MAP2K4: variants seen among roughly 807,000 people sequenced by gnomAD.
The protein encoded by MAP2K4 is dual specificity mitogen-activated protein kinase kinase 4.
A neutral mutation model predicts 48.5 loss-of-function variants in MAP2K4; 4 were observed. The ratio of observed to expected loss-of-function variants is 0.08; its 90% confidence interval spans 0.04 to 0.19. MAP2K4 has a LOEUF of 0.19. Ranked by LOEUF, MAP2K4 falls within the 10% of genes least tolerant of loss-of-function variation. The probability of loss-of-function intolerance (pLI) is 1.00; values close to 1 mark genes in which losing one functional copy is unlikely to be tolerated. For synonymous variants in MAP2K4, 166 were observed against 173.1 expected (o/e 0.96, Z 0.32); for missense variants, 258 against 493.3 (o/e 0.52, Z 4.52).
In MAP2K4 at chr17:12,069,720, T is replaced by C. The variant is rs903307006; in HGVS notation, c.219-11636T>C. ...GGAAGCAGGCAGTTTCCATGGTAAC[T>C]GACAGACCGAGTTTACTGTGGAAAT... On this transcript the variant is annotated intron_variant, in intron 2 of 10. Coordinates refer to ENST00000353533, the MANE Select transcript of MAP2K4 (RefSeq NM_003010.4). 3.8e-6 allele frequency: 4 copies of C among 1,062,788 alleles called. No individual in the cohort carries two copies. In the African/African-American group the frequency reaches 5.1e-5, roughly 14 times the overall value. The allele number at this position is 1,062,788 out of a possible 1,614,324, so 65.8% of individuals were successfully genotyped here.
chr17:12,043,914 T>C (rs1406625243), intron 1 of MAP2K4, among the ~76,000 whole-genome samples: 1 of 152,112 alleles, frequency 6.6e-6, no homozygotes, highest in Non-Finnish European at 1.5e-5. Flanking sequence ...TGGAGGTGTG[T>C]GTATGGGGGC....
chr17:12,120,645 A>G (rs1972659746), intron 7 of MAP2K4, among the ~76,000 whole-genome samples: 1 of 151,702 alleles, frequency 6.6e-6, no homozygotes, highest in African/African-American at 2.4e-5. Flanking sequence ...GTCAGTTTAT[A>G]AAACTGAAGA....
At chr17:12,028,672 T>A (rs1969336297) in intron 1 of MAP2K4, among the ~76,000 whole-genome samples, 1 of 152,160 alleles carries the variant, frequency 6.6e-6, no homozygotes, top group Non-Finnish European at 1.5e-5. Flanking sequence ...GCAGCTCTGA[T>A]TTTCTTTACA....
intron 9 of MAP2K4, among the ~76,000 whole-genome samples, chr17:12,132,567 T>C (rs2151593064): frequency 1.3e-5 from 2 of 151,556 alleles, no homozygotes; most frequent in Middle Eastern, 3.4e-3. Flanking sequence ...CACTTAGGAG[T>C]TGTGTTTTCT....
At chr17:12,029,114 C>A (rs903307460) in intron 1 of MAP2K4, among the ~76,000 whole-genome samples, 9 of 151,706 alleles carry the variant, frequency 5.9e-5, no homozygotes, top group African/African-American at 2.2e-4. Flanking sequence ...TTGGTAAGAA[C>A]AGTAAATTGT....
intron 1 of MAP2K4, among the ~76,000 whole-genome samples, chr17:12,041,026 C>T (rs1353285690): frequency 6.6e-6 from 1 of 152,226 alleles, no homozygotes; most frequent in Admixed American, 6.5e-5. Context: ...AGTCGAGATT[C>T]TCTCATGTAC....
At position 12,066,928 on chromosome 17, in the gene MAP2K4, C is replaced by T. The variant is rs567500736; in HGVS notation, c.218+11937C>T. 8.5e-5 allele frequency among the ~76,000 whole-genome samples: 13 copies of T among 152,322 alleles called. No homozygotes were observed. The South Asian group carries it at 2.5e-3, about 29-fold the overall frequency. On this transcript the variant is annotated intron_variant, in intron 2 of 10. Transcript: ENST00000353533. Reference sequence around the variant, plus strand: ...TCCTGACCTCGTGATCCGCCCGCCTCGGCCTCCCAAAGTGCTGGGATTACA... The same window carrying T: ...TCCTGACCTCGTGATCCGCCCGCCTTGGCCTCCCAAAGTGCTGGGATTACA...
chr17:12,104,515 T>C (rs1206745490), intron 4 of MAP2K4, among the ~76,000 whole-genome samples: 1 of 152,186 alleles, frequency 6.6e-6, no homozygotes, highest in Non-Finnish European at 1.5e-5. Flanking sequence ...AAATTGCATT[T>C]CCTTGATTGG....
chr17:12,088,542 T>G (rs1343344639), intron 3 of MAP2K4, among the ~76,000 whole-genome samples: 1 of 25,796 alleles, frequency 3.9e-5, no homozygotes, highest in African/African-American at 6.2e-5. Flanking sequence ...ATATATTAAA[T>G]TATATCTAAT....
intron 2 of MAP2K4, among the ~76,000 whole-genome samples, chr17:12,058,141 C>T (rs1454031919): frequency 6.6e-6 from 1 of 151,934 alleles, no homozygotes; most frequent in Non-Finnish European, 1.5e-5. Context: ...TGGTTCTCTC[C>T]AGATGTGTTT....
chr17:12,071,842 A>G lies in MAP2K4; in HGVS notation c.219-9514A>G, dbSNP rs79003812. Among the ~76,000 whole-genome samples the G allele has an allele frequency of 7.8e-3, 1,190 of 152,218 alleles. 4 individuals carry two copies. Among genetic ancestry groups the G allele is most frequent in the Non-Finnish European group, 0.013 (871 of 68,000 alleles). On this transcript the variant is annotated intron_variant, in intron 2 of 10. Transcript: ENST00000353533. The stretch of plus-strand genomic sequence containing the variant: ...TTTTTGTCATTGTGGGAGTATACAA[A>G]CTATTGGCCTGGGCAGGAGAGAAGG...
chr17:12,133,830 A>G (rs1397578296), intron 9 of MAP2K4, among the ~76,000 whole-genome samples: 1 of 152,166 alleles, frequency 6.6e-6, no homozygotes, highest in Non-Finnish European at 1.5e-5. Context: ...CTGGAAGAAG[A>G]GGCAACTTGT....
intron 2 of MAP2K4, among the ~76,000 whole-genome samples, chr17:12,069,361 G>T (rs1305045002): frequency 2.0e-5 from 3 of 152,082 alleles, no homozygotes; most frequent in East Asian, 1.9e-4. Context: ...ACTGTTCTAA[G>T]GGTAAACTTA....
intron 7 of MAP2K4, among the ~76,000 whole-genome samples, chr17:12,116,126 GT>G (rs1319199666): frequency 2.0e-5 from 3 of 152,144 alleles, no homozygotes; most frequent in African/African-American, 7.2e-5. Flanking sequence ...CTTTTCAAAG[GT>G]GCTAAAATCT....
chr17:12,064,939 A>G (rs973229546), intron 2 of MAP2K4, among the ~76,000 whole-genome samples: 3 of 152,224 alleles, frequency 2.0e-5, no homozygotes, highest in African/African-American at 7.2e-5. Flanking sequence ...AATGCTGAGC[A>G]GAAGAAGCGA....
Position 12,081,784 on chromosome 17 carries a change from A to C in MAP2K4, c.393+254A>C. ...TGGCATGATGCATTAACATGTTTTAAACTTCAGGCCCTTCTACTGCCAAGG... is the reference window on the plus strand; with the variant it reads ...TGGCATGATGCATTAACATGTTTTACACTTCAGGCCCTTCTACTGCCAAGG... On this transcript the variant is annotated intron_variant, in intron 3 of 10. Coordinates refer to ENST00000353533, the MANE Select transcript of MAP2K4 (RefSeq NM_003010.4). This position sits in a 1 kb window ranked among gnomAD's most constrained non-coding sequence, Gnocchi z 4.2. 1 of 504,428 alleles carries C rather than the reference A, an allele frequency of 2.0e-6. No individual in the cohort carries two copies. The highest frequency in any genetic ancestry group is 3.9e-5 in the East Asian group (1 of 25,636). 31.2% of individuals were successfully genotyped at this position (504,428 alleles called of 1,614,324 possible). A position where few individuals can be genotyped will look rare whatever the true frequency, so the allele number is the denominator to read the frequency against.
chr17:12,098,918 T>G (rs568204736), intron 4 of MAP2K4, among the ~76,000 whole-genome samples: 1 of 152,256 alleles, frequency 6.6e-6, no homozygotes, highest in African/African-American at 2.4e-5. Flanking sequence ...TTATTTAAAT[T>G]TAAGGGGTAC....
At chr17:12,041,045 C>T (rs1485432756) in intron 1 of MAP2K4, among the ~76,000 whole-genome samples, 1 of 152,244 alleles carries the variant, frequency 6.6e-6, no homozygotes, top group Admixed American at 6.5e-5. Flanking sequence ...ACTGTATACA[C>T]ATGAAGTAGA....
chr17:12,072,374 G>A (rs1392514192), intron 2 of MAP2K4, among the ~76,000 whole-genome samples: 2 of 152,154 alleles, frequency 1.3e-5, no homozygotes. Flanking sequence ...AGTGAAGTCT[G>A]CGTTTTCTTT....
Sources: gnomAD v4.1 joint callset for allele counts (sites outside exome capture counted in the v4.1 genomes callset) on GRCh38, gnomAD v4.1.1 for gene constraint, Gnocchi (gnomAD v3.1) non-coding constraint, MANE v1.5 for transcripts, NCBI Gene and HGNC (gene_info 2026-07-23, HGNC 2026-07-21) for gene names.